Variants in PLXNA1 observed in about 807,000 individuals in gnomAD.
The protein encoded by PLXNA1 is plexin A1, also known as plexin-A1.
In PLXNA1, 77 loss-of-function variants were observed where a neutral mutation model predicts 191.7. The observed-to-expected ratio is 0.40, with a 90% CI of 0.33 to 0.49. The LOEUF is 0.49. PLXNA1 is among the 20% of genes least tolerant of loss of function. The pLI is 0.63. For synonymous variants in PLXNA1, 1,137 were observed against 1,156.4 expected (o/e 0.98, Z 0.34); for missense variants, 2,110 against 2,660.2 (o/e 0.79, Z 4.55).
At chr3:127,011,790 T>C (rs1158224753) in intron 9 of PLXNA1, among the ~76,000 whole-genome samples, 168 bp from the exon 10 acceptor site, 1 of 152,214 alleles carries the variant, frequency 6.6e-6, no homozygotes, top group Non-Finnish European at 1.5e-5. Context: ...GGTCATAGTA[T>C]GCAGTCACTG....
intron 2 of PLXNA1, 84 bp from the exon 3 acceptor site, chr3:126,991,300 T>C (rs1315955249): frequency 6.7e-7 from 1 of 1,488,420 alleles, no homozygotes; most frequent in Admixed American, 1.8e-5. Flanking sequence ...GAAAGACAAC[T>C]GCACTCCCAG....
In PLXNA1 at chr3:127,020,355, T is replaced by G; in HGVS notation, c.4038+11T>G. Reference sequence around the variant, plus strand: ...CTCAAGGAGATGGAGGTAGGACCACTGGCTCCGGGGGGTCACAGGAACTCA... The same window carrying G: ...CTCAAGGAGATGGAGGTAGGACCACGGGCTCCGGGGGGTCACAGGAACTCA... On this transcript the variant is annotated intron_variant, in intron 21 of 31. Coordinates refer to ENST00000393409, the MANE Select transcript of PLXNA1 (RefSeq NM_032242.4). 5 of 1,611,540 alleles carry G rather than the reference T, an allele frequency of 3.1e-6. No homozygotes were observed. The highest frequency in any genetic ancestry group is 4.2e-6 in the Non-Finnish European group (5 of 1,179,250).
chr3:127,032,084 G>T, intron 29 of PLXNA1: 1 of 391,202 alleles, frequency 2.6e-6, no homozygotes, highest in Non-Finnish European at 4.8e-6. Context: ...GGAGGGTGGT[G>T]GCTGTGTGGA....
intron 21 of PLXNA1, among the ~76,000 whole-genome samples, chr3:127,020,572 G>T (rs1006233145): frequency 3.3e-5 from 5 of 152,178 alleles, no homozygotes; most frequent in African/African-American, 1.2e-4. Context: ...TGGGGCAGGG[G>T]AATGGCCAGC....
Position 127,014,834 on chromosome 3 carries a change from G to A in PLXNA1, c.2877+3G>A. 1.9e-6 allele frequency: 3 copies of A among 1,611,092 alleles called. No individual in the cohort carries two copies. Among genetic ancestry groups the A allele is most frequent in the Non-Finnish European group, 2.5e-6 (3 of 1,179,194 alleles). On this transcript the variant is annotated splice_donor_region_variant and intron_variant, in intron 14 of 31. Transcript: ENST00000393409. ...CACCCAAGCGCTTCACCTTCGTGGT[G>A]AGTCTGCTGCCCTCCCTCTCTCCCT...
chr3:127,019,918 G>A (rs901488231), intron 20 of PLXNA1, among the ~76,000 whole-genome samples: 10 of 152,292 alleles, frequency 6.6e-5, no homozygotes, highest in African/African-American at 2.4e-4. Context: ...ACGCTTAACT[G>A]CCAGTGTCTG....
In PLXNA1 at chr3:127,011,983, C is replaced by G; in HGVS notation, c.2138C>G (p.Thr713Arg). ...GACTGCCCACAGATCCTGCCCTCCACGCAGATCTACGTGCCAGTGGGAGTG... is the reference window on the plus strand; with the variant it reads ...GACTGCCCACAGATCCTGCCCTCCAGGCAGATCTACGTGCCAGTGGGAGTG... The part of the protein sequence containing the change: ...SEDCPQILPS[T>R]QIYVPVGVVK... Residue 713 changes from threonine to arginine, a missense_variant, in exon 10 of 32, where the codon ACG becomes AGG. Transcript: ENST00000393409. The G allele has an allele frequency of 2.5e-6, 4 of 1,613,714 alleles. No individual in the cohort carries two copies. Among genetic ancestry groups the G allele is most frequent in the Non-Finnish European group, 3.4e-6 (4 of 1,179,950 alleles).
At chr3:127,015,501 C>T (rs531344057) in intron 15 of PLXNA1, among the ~76,000 whole-genome samples, 181 bp downstream of exon 15, 5 of 152,204 alleles carry the variant, frequency 3.3e-5, no homozygotes, top group East Asian at 3.9e-4. Context: ...TAGGACTGGG[C>T]GGTGATGGGC....
At chr3:127,011,560 G>A (rs2079095699) in intron 9 of PLXNA1, among the ~76,000 whole-genome samples, 1 of 152,184 alleles carries the variant, frequency 6.6e-6, no homozygotes, top group African/African-American at 2.4e-5. Flanking sequence ...CCGAAATGCT[G>A]GCCCCAGAGG....
chr3:127,023,669 C>CA, intron 23 of PLXNA1, among the ~76,000 whole-genome samples: 1 of 152,208 alleles, frequency 6.6e-6, no homozygotes, highest in Non-Finnish European at 1.5e-5. Flanking sequence ...TTTCAGGCCT[C>CA]CTGCAGCCAG....
chr3:127,029,330 C>T, intron 26 of PLXNA1, 110 bp from the exon 27 acceptor site: 1 of 1,037,508 alleles, frequency 9.6e-7, no homozygotes, highest in South Asian at 1.3e-5. Flanking sequence ...GAGGTGGCTG[C>T]CTCCAGGCAC....
chr3:127,020,623 G>A (rs541366335), intron 21 of PLXNA1, among the ~76,000 whole-genome samples: 10 of 152,224 alleles, frequency 6.6e-5, no homozygotes, highest in Non-Finnish European at 1.3e-4. Context: ...GGCAGGAGGA[G>A]GCTCTGGCCC....
Position 127,027,227 on chromosome 3 carries a change from T to A in PLXNA1, c.4363-713T>A, listed in dbSNP as rs374086664. On this transcript the variant is annotated intron_variant, in intron 23 of 31. Coordinates refer to ENST00000393409, the MANE Select transcript of PLXNA1 (RefSeq NM_032242.4). The stretch of plus-strand genomic sequence containing the variant: ...GGCAGCAGTTGCAAAGGCCCTGAGG[T>A]GGGACAGGAGGCGGTTCTCATGCTA... The A allele has an allele frequency of 2.0e-4, 43 of 212,652 alleles. No individual in the cohort carries two copies. The East Asian group carries it at 2.3e-3, about 11-fold the overall frequency. The allele number at this position is 212,652 out of a possible 1,614,324, so 13.2% of individuals were successfully genotyped here. A position where few individuals can be genotyped will look rare whatever the true frequency, so the allele number is the denominator to read the frequency against.
intron 3 of PLXNA1, among the ~76,000 whole-genome samples, chr3:126,998,792 A>G (rs565037792): frequency 6.6e-6 from 1 of 152,296 alleles, no homozygotes; most frequent in South Asian, 2.1e-4. Context: ...TTCACCTGCC[A>G]GGACCCTGAC....
Position 127,018,277 on chromosome 3 carries a change from C to T in PLXNA1, c.3661-17C>T, listed in dbSNP as rs764377987. ...GAAAGCATGGGAAGCTCCTGAGTGG[C>T]CTCCACCCACTGGCAGGTGCGGGCA... is the stretch of plus-strand genomic sequence containing the variant. On this transcript the variant is annotated splice_polypyrimidine_tract_variant and intron_variant, in intron 19 of 31. Coordinates refer to ENST00000393409, the MANE Select transcript of PLXNA1 (RefSeq NM_032242.4). 10 of 1,574,552 alleles carry T rather than the reference C, an allele frequency of 6.4e-6. No individual in the cohort carries two copies. The highest frequency in any genetic ancestry group is 1.1e-5 in the South Asian group (1 of 87,242).
chr3:127,004,601 C>T lies in PLXNA1; in HGVS notation c.1519-10C>T. The T allele has an allele frequency of 6.4e-7, 1 of 1,557,390 alleles. No individual in the cohort carries two copies. The highest frequency in any genetic ancestry group is 1.2e-5 in the South Asian group (1 of 84,798). Reference sequence around the variant, plus strand: ...GGTACTGGAGGGGCCTGACACCTCCCCCACACCAGGTGACGCGGGTGCCTG... The same window carrying T: ...GGTACTGGAGGGGCCTGACACCTCCTCCACACCAGGTGACGCGGGTGCCTG... On this transcript the variant is annotated splice_polypyrimidine_tract_variant and intron_variant, in intron 4 of 31. Coordinates refer to ENST00000393409, the MANE Select transcript of PLXNA1 (RefSeq NM_032242.4).
intron 3 of PLXNA1, among the ~76,000 whole-genome samples, chr3:126,999,818 G>A (rs911964165): frequency 3.9e-5 from 6 of 152,168 alleles, no homozygotes; most frequent in Non-Finnish European, 1.5e-5. Context: ...TGAGCCCTGT[G>A]GTGGTGGGAG....
intron 21 of PLXNA1, among the ~76,000 whole-genome samples, chr3:127,021,351 C>T (rs981698508): frequency 1.3e-5 from 2 of 152,196 alleles, no homozygotes; most frequent in East Asian, 3.9e-4. Flanking sequence ...TACCTGTCTG[C>T]CTGATACCTG....
At position 126,988,776 on chromosome 3, in the gene PLXNA1, C is replaced by T. The variant is rs373400719; in HGVS notation, c.183C>T (p.Gly61=). Reference sequence around the variant, plus strand: ...ACCTAGTGGTGCATGAGCAGACAGGCGAGGTGTATGTGGGCGCAGTGAACC... The same window carrying T: ...ACCTAGTGGTGCATGAGCAGACAGGTGAGGTGTATGTGGGCGCAGTGAACC... ...LTHLVVHEQT[G]EVYVGAVNRI... Residue 61 remains glycine (G), a synonymous_variant, in exon 2 of 32, where the codon GGC becomes GGT. Transcript: ENST00000393409. 8.7e-5 allele frequency: 139 copies of T among 1,606,492 alleles called. No homozygotes were observed. The highest frequency in any genetic ancestry group is 1.0e-4 in the Non-Finnish European group (123 of 1,175,840).
Sources: gnomAD v4.1 joint callset for allele counts (sites outside exome capture counted in the v4.1 genomes callset) on GRCh38, gnomAD v4.1.1 for gene constraint, MANE v1.5 for transcripts, NCBI Gene and HGNC (gene_info 2026-07-23, HGNC 2026-07-21) for gene names.